SRSF11: variants seen among roughly 807,000 people sequenced by gnomAD.
SRSF11 encodes the protein serine and arginine rich splicing factor 11.
Under a neutral mutation model 56.0 loss-of-function variants are expected in SRSF11, and 9 were observed. That is an observed-to-expected ratio of 0.16 (90% CI 0.10 to 0.28). The LOEUF is 0.28. Among genes scored for constraint, SRSF11 ranks in the 10% least tolerant of loss-of-function variants. The pLI is 1.00. For synonymous variants in SRSF11, 222 were observed against 215.3 expected (o/e 1.03, Z -0.27); for missense variants, 421 against 600.7 (o/e 0.70, Z 3.13).
chr1:70,236,284 C>G (rs749449422), intron 5 of SRSF11, among the ~76,000 whole-genome samples: 13 of 151,482 alleles, frequency 8.6e-5, no homozygotes, highest in Non-Finnish European at 1.5e-4. Flanking sequence ...CCACAAATAA[C>G]TACTAAATTT....
intron 8 of SRSF11, among the ~76,000 whole-genome samples, chr1:70,245,135 C>A (rs148623572): frequency 6.6e-6 from 1 of 152,144 alleles, no homozygotes; most frequent in Non-Finnish European, 1.5e-5. Flanking sequence ...CCAGTCTTTT[C>A]GTGTAGAACC....
At position 70,243,336 on chromosome 1, in the gene SRSF11, C is replaced by CA. The variant is rs56098296; in HGVS notation, c.801-1311dup. ...TTTTTAATCCACATTTGGTTGGTGG[C>CA]AAAAAAAAAAAAAAAAAAAAAAAAA... On this transcript the variant is annotated intron_variant, in intron 7 of 11. Coordinates refer to ENST00000370949, the MANE Select transcript of SRSF11 (RefSeq NM_001350605.2). Among the ~76,000 whole-genome samples the CA allele has an allele frequency of 9.5e-4, 31 of 32,596 alleles. 9 individuals carry two copies. The highest frequency in any genetic ancestry group is 2.2e-3 in the East Asian group (1 of 460). 21.4% of individuals were successfully genotyped at this position (32,596 alleles called of 152,430 possible).
chr1:70,214,405 T>A (rs1005480446), intron 1 of SRSF11, among the ~76,000 whole-genome samples: 14 of 152,322 alleles, frequency 9.2e-5, no homozygotes, highest in African/African-American at 3.4e-4. Context: ...ATGTGCACTA[T>A]AGCTGAGAAT....
At position 70,238,114 on chromosome 1, in the gene SRSF11, GT is replaced by G. The variant is rs1162982627; in HGVS notation, c.718+568del. On this transcript the variant is annotated intron_variant, in intron 6 of 11. Coordinates refer to ENST00000370949, the MANE Select transcript of SRSF11 (RefSeq NM_001350605.2). ...ATCTTGTTCATTAATAAATGGGAAT[GT>G]TTTTTAATGTGCCTATTGTTAGGAA... Among the ~76,000 whole-genome samples, 3 of 152,208 alleles carry G rather than the reference GT, an allele frequency of 2.0e-5. No homozygotes were observed. In the East Asian group the frequency reaches 5.8e-4, roughly 29 times the overall value.
At chr1:70,237,864 G>C (rs1057093416) in intron 6 of SRSF11, among the ~76,000 whole-genome samples, 5 of 152,066 alleles carry the variant, frequency 3.3e-5, no homozygotes, top group Admixed American at 6.5e-5. Context: ...ACGATATTTT[G>C]TTTTTCTTAT....
chr1:70,236,485 C>G (rs1488560871), intron 5 of SRSF11, among the ~76,000 whole-genome samples: 4 of 152,008 alleles, frequency 2.6e-5, no homozygotes, highest in Non-Finnish European at 5.9e-5. Flanking sequence ...CACAAGCCAC[C>G]ACATCCGGCT....
At chr1:70,239,825 G>T (rs1674925944) in intron 7 of SRSF11, among the ~76,000 whole-genome samples, 1 of 152,134 alleles carries the variant, frequency 6.6e-6, no homozygotes, top group South Asian at 2.1e-4. Flanking sequence ...ACTTGTATTT[G>T]TTATCTAGTG....
chr1:70,221,707 G>A lies in SRSF11; in HGVS notation c.71G>A (p.Gly24Asp). 6.2e-7 allele frequency: 1 copy of A among 1,613,720 alleles called. No individual in the cohort carries two copies. ...GPSGGPGGGG[G>D]GGGGGGGTEV... ...AGCGGCGGGCCCGGTGGCGGAGGTG[G>A]TGGTGGCGGCGGAGGCGGCGGCACC... The change falls in exon 1 of 12, where the codon GGT (glycine) becomes GAT (aspartate). Residue 24 changes from glycine to aspartate, a missense_variant. This residue lies in a region of SRSF11 where 168 missense variants were observed against 294.9 expected (regional missense o/e 0.57). Coordinates refer to ENST00000370949, the MANE Select transcript of SRSF11 (RefSeq NM_001350605.2).
In SRSF11 at chr1:70,239,421, C is replaced by T. The variant is rs1158422709; in HGVS notation, c.719-18C>T. 1.3e-6 allele frequency: 2 copies of T among 1,570,142 alleles called. No homozygotes were observed. Among genetic ancestry groups the T allele is most frequent in the African/African-American group, 1.4e-5 (1 of 72,414 alleles). ...TTTAATAACTTCTAAATGCAGGTTC[C>T]TTTTCTTTTAAATATAGATAAGAAA... On this transcript the variant is annotated intron_variant, in intron 6 of 11. Coordinates refer to ENST00000370949, the MANE Select transcript of SRSF11 (RefSeq NM_001350605.2).
chr1:70,224,289 C>A (rs1369218628), intron 1 of SRSF11, among the ~76,000 whole-genome samples: 1 of 152,130 alleles, frequency 6.6e-6, no homozygotes, highest in Non-Finnish European at 1.5e-5. Context: ...TGACATGCAC[C>A]TGTAACTCTT....
chr1:70,229,715 G>A, intron 2 of SRSF11: 1 of 984,808 alleles, frequency 1.0e-6, no homozygotes, highest in Non-Finnish European at 1.2e-6. Context: ...ACAAATGTGA[G>A]CATTTACACC....
chr1:70,234,313 G>A (rs550675148), intron 3 of SRSF11, among the ~76,000 whole-genome samples: 1 of 152,302 alleles, frequency 6.6e-6, no homozygotes, highest in East Asian at 1.9e-4. Flanking sequence ...GCAAAGAATA[G>A]TAGATTTGGA....
chr1:70,239,176 C>A (rs1674764984), intron 6 of SRSF11, among the ~76,000 whole-genome samples: 1 of 152,090 alleles, frequency 6.6e-6, no homozygotes, highest in Non-Finnish European at 1.5e-5. Flanking sequence ...ACTGCACCGT[C>A]CATCTCCAGG....
At position 70,250,903 on chromosome 1, in the gene SRSF11, A is replaced by G; in HGVS notation, c.*98A>G. 9.6e-7 allele frequency: 1 copy of G among 1,041,160 alleles called. No individual in the cohort carries two copies. Among genetic ancestry groups the G allele is most frequent in the Non-Finnish European group, 1.4e-6 (1 of 689,822 alleles). 64.5% of individuals were successfully genotyped at this position (1,041,160 alleles called of 1,614,324 possible). The stretch of plus-strand genomic sequence containing the variant: ...ATTTGTTCATCTCAAACCTAGATGT[A>G]TACAGCTCTGAGTTATAAATGGTTA... On this transcript the variant is annotated 3_prime_UTR_variant, in exon 12 of 12. Transcript: ENST00000370949.
At chr1:70,244,612 C>A in intron 7 of SRSF11, 72 bp from the exon 8 acceptor site, 1 of 1,515,014 alleles carries the variant, frequency 6.6e-7, no homozygotes, top group South Asian at 1.2e-5. Context: ...AATCTTTTGT[C>A]TGATACTAAG....
At chr1:70,223,796 A>G (rs1276022061) in intron 1 of SRSF11, among the ~76,000 whole-genome samples, 1 of 152,194 alleles carries the variant, frequency 6.6e-6, no homozygotes, top group African/African-American at 2.4e-5. Context: ...CAAGTTGCAT[A>G]TAGTTCCCAG....
chr1:70,227,138 A>C (rs1671961734), intron 1 of SRSF11, among the ~76,000 whole-genome samples: 1 of 152,154 alleles, frequency 6.6e-6, no homozygotes, highest in South Asian at 2.1e-4. Context: ...GTTGTGATAA[A>C]AATTATGGGG....
At chr1:70,235,394 A>G (rs1673746576) in intron 4 of SRSF11, 107 bp from the exon 5 acceptor site, 1 of 874,540 alleles carries the variant, frequency 1.1e-6, no homozygotes, top group Non-Finnish European at 1.8e-6. Flanking sequence ...TTTATGTTTC[A>G]TGGCATGTAG....
intron 6 of SRSF11, among the ~76,000 whole-genome samples, chr1:70,238,840 C>A (rs138825672): frequency 6.6e-6 from 1 of 152,186 alleles, no homozygotes; most frequent in Non-Finnish European, 1.5e-5. Flanking sequence ...GAAAACACTT[C>A]ACAGCCTCTT....
Sources: allele counts gnomAD v4.1 joint callset (sites outside exome capture counted in the v4.1 genomes callset), GRCh38; gene constraint gnomAD v4.1.1; regional missense constraint gnomAD v4.1.1; transcripts MANE v1.5; gene names NCBI Gene and HGNC (gene_info 2026-07-23, HGNC 2026-07-21).